RFX4: variants seen among roughly 807,000 people sequenced by gnomAD.
RFX4 encodes transcription factor RFX4.
A neutral mutation model predicts 95.0 loss-of-function variants in RFX4; 10 were observed. The observed-to-expected ratio is 0.11, with a 90% CI of 0.06 to 0.18. The LOEUF is 0.18. Among genes scored for constraint, RFX4 ranks in the 10% least tolerant of loss-of-function variants. RFX4 has a pLI of 1.00. For synonymous variants in RFX4, 321 were observed against 340.7 expected (o/e 0.94, Z 0.64); for missense variants, 640 against 922.0 (o/e 0.69, Z 3.96).
In RFX4 at chr12:106,761,466, A is replaced by G. The variant is rs772741683; in HGVS notation, c.2205A>G (p.Lys735=). ...GAGAGGCCTCTACAGGATGGGCTAAATGACTGCTATCATAGGCATCCATAT... is the reference window on the plus strand; with the variant it reads ...GAGAGGCCTCTACAGGATGGGCTAAGTGACTGCTATCATAGGCATCCATAT... ...INGEASTGWA[K] The change falls in exon 18 of 18, where the codon AAA becomes AAG. Residue 735 remains lysine (K), a synonymous_variant. Coordinates refer to ENST00000392842, the MANE Select transcript of RFX4 (RefSeq NM_213594.3). 1 of 1,596,540 alleles carries G rather than the reference A, an allele frequency of 6.3e-7. No individual in the cohort carries two copies. The highest frequency in any genetic ancestry group is 8.5e-7 in the Non-Finnish European group (1 of 1,170,640).
At chr12:106,757,573 C>T (rs2043133018) in intron 17 of RFX4, among the ~76,000 whole-genome samples, 6 of 150,352 alleles carry the variant, frequency 4.0e-5, no homozygotes, top group Admixed American at 4.0e-4. Context: ...AAAAGCTCAG[C>T]AGATGTGGAC....
intron 17 of RFX4, among the ~76,000 whole-genome samples, chr12:106,757,928 T>C (rs2043138415): frequency 6.6e-6 from 1 of 152,262 alleles, no homozygotes; most frequent in African/African-American, 2.4e-5. Context: ...AACGTTGGAC[T>C]GTGTGTGCAG....
intron 3 of RFX4, among the ~76,000 whole-genome samples, chr12:106,641,147 C>A (rs1478102873): frequency 6.6e-6 from 1 of 152,172 alleles, no homozygotes; most frequent in Non-Finnish European, 1.5e-5. Flanking sequence ...TTGAAAGGAA[C>A]TAGAAGAAAA....
At chr12:106,709,841 A>T (rs571118267) in intron 9 of RFX4, among the ~76,000 whole-genome samples, 26 of 152,204 alleles carry the variant, frequency 1.7e-4, no homozygotes, top group Non-Finnish European at 3.5e-4. Flanking sequence ...CCACGCAGCC[A>T]CACAGCTGTA....
intron 1 of RFX4, among the ~76,000 whole-genome samples, chr12:106,596,215 G>A (rs1443354281): frequency 6.6e-6 from 1 of 152,180 alleles, no homozygotes; most frequent in African/African-American, 2.4e-5. Context: ...CACAGGAGCA[G>A]GTCTTTCCTG....
At chr12:106,644,344 C>T (rs1228973047) in intron 3 of RFX4, among the ~76,000 whole-genome samples, 1 of 151,248 alleles carries the variant, frequency 6.6e-6, no homozygotes, top group Admixed American at 6.6e-5. Context: ...AGCAATTCTC[C>T]TGCCTCAGCC....
At chr12:106,711,562 A>G in intron 10 of RFX4, 51 bp downstream of exon 10, 1 of 1,533,474 alleles carries the variant, frequency 6.5e-7, no homozygotes, top group South Asian at 1.1e-5. Context: ...ATTGCAAATG[A>G]GGGGGCAAAT....
chr12:106,604,470 T>C (rs994274941), intron 1 of RFX4, among the ~76,000 whole-genome samples: 4 of 151,962 alleles, frequency 2.6e-5, no homozygotes, highest in African/African-American at 9.7e-5. Context: ...AGGCACAAAA[T>C]AAATGTGTGT....
intron 1 of RFX4, among the ~76,000 whole-genome samples, chr12:106,608,251 G>A (rs978868928): frequency 2.6e-5 from 4 of 152,190 alleles, no homozygotes; most frequent in African/African-American, 9.6e-5. Flanking sequence ...TTCTCCTGCT[G>A]TGGCTTCCAG....
intron 1 of RFX4, among the ~76,000 whole-genome samples, chr12:106,601,908 G>A (rs1040734098): frequency 6.6e-6 from 1 of 152,174 alleles, no homozygotes; most frequent in Non-Finnish European, 1.5e-5. Flanking sequence ...GGTCTGGCAG[G>A]TGCTGAATCC....
At chr12:106,608,605 G>T (rs940878551) in intron 1 of RFX4, among the ~76,000 whole-genome samples, 192 bp from the exon 2 acceptor site, 3 of 152,200 alleles carry the variant, frequency 2.0e-5, no homozygotes, top group East Asian at 1.9e-4. Context: ...AGTCTCATCA[G>T]CAGCAGCAAT....
At chr12:106,701,078 T>C (rs1174141255) in intron 8 of RFX4, among the ~76,000 whole-genome samples, 1 of 152,232 alleles carries the variant, frequency 6.6e-6, no homozygotes, top group Non-Finnish European at 1.5e-5. Flanking sequence ...GGTCTAGTGG[T>C]AACAAATTAT....
intron 3 of RFX4, among the ~76,000 whole-genome samples, chr12:106,649,239 G>T (rs1291984179): frequency 1.3e-5 from 2 of 152,142 alleles, no homozygotes; most frequent in African/African-American, 4.8e-5. Flanking sequence ...GCCATGCTTT[G>T]GTCAGGGAAG....
chr12:106,599,861 C>A lies in RFX4; in HGVS notation c.44-8936C>A, dbSNP rs182704469. ...CCTGGCAAAATTATTAATAATATTGCTTTTCAATCTCAAAATGTTCAGGTT... is the reference window on the plus strand; with the variant it reads ...CCTGGCAAAATTATTAATAATATTGATTTTCAATCTCAAAATGTTCAGGTT... On this transcript the variant is annotated intron_variant, in intron 1 of 17. Transcript: ENST00000392842. 2.0e-5 allele frequency among the ~76,000 whole-genome samples: 3 copies of A among 152,158 alleles called. No homozygotes were observed. The East Asian group carries it at 5.8e-4, about 29-fold the overall frequency.
intron 13 of RFX4, among the ~76,000 whole-genome samples, chr12:106,724,918 A>T (rs1343529487): frequency 6.6e-6 from 1 of 151,678 alleles, no homozygotes; most frequent in African/African-American, 2.4e-5. Context: ...AGGCTGAGGC[A>T]GGAGAATCGC....
chr12:106,671,878 T>C (rs940393210), intron 4 of RFX4, among the ~76,000 whole-genome samples: 1 of 152,062 alleles, frequency 6.6e-6, no homozygotes, highest in African/African-American at 2.4e-5. Context: ...CCCAGGCTTG[T>C]CTCAAACTCC....
At chr12:106,747,717 C>A (rs1159887215) in intron 16 of RFX4, 118 bp downstream of exon 16, 33 of 1,153,960 alleles carry the variant, frequency 2.9e-5, no homozygotes, top group Non-Finnish European at 3.7e-5. Flanking sequence ...GCCTTGAAGT[C>A]AGGAGTTCGA....
At chr12:106,715,695 G>GCCCT in intron 11 of RFX4, 151 bp downstream of exon 11, 1 of 864,984 alleles carries the variant, frequency 1.2e-6, no homozygotes, top group Non-Finnish European at 1.8e-6. Context: ...AAATGAGTCA[G>GCCCT]TCCAGAAGGA....
chr12:106,733,050 A>G lies in RFX4; in HGVS notation c.1598A>G (p.Asn533Ser). Residue 533 changes from asparagine to serine, a missense_variant, in exon 15 of 18, where the codon AAT (asparagine) becomes AGT (serine). Coordinates refer to ENST00000392842, the MANE Select transcript of RFX4 (RefSeq NM_213594.3). ...EVPPPSSPVSNPSPEYTGLST... is the reference protein window; with the variant it reads ...EVPPPSSPVSSPSPEYTGLST... ...CCACCTCCCTCTTCCCCTGTTAGCAATCCTTCCCCTGAGTACACTGGCCTC... is the reference window on the plus strand; with the variant it reads ...CCACCTCCCTCTTCCCCTGTTAGCAGTCCTTCCCCTGAGTACACTGGCCTC... 6.2e-7 allele frequency: 1 copy of G among 1,614,110 alleles called. No homozygotes were observed. Among genetic ancestry groups the G allele is most frequent in the Non-Finnish European group, 8.5e-7 (1 of 1,180,000 alleles).
Sources: allele counts gnomAD v4.1 joint callset (sites outside exome capture counted in the v4.1 genomes callset), GRCh38; gene constraint gnomAD v4.1.1; transcripts MANE v1.5; gene names NCBI Gene and HGNC (gene_info 2026-07-23, HGNC 2026-07-21).